DLG2: variants seen among roughly 807,000 people sequenced by gnomAD.
The protein encoded by DLG2 is disks large homolog 2.
In DLG2, 45 loss-of-function variants were observed where a neutral mutation model predicts 132.5. The ratio of observed to expected loss-of-function variants is 0.34; its 90% CI spans 0.27 to 0.44. DLG2 has a LOEUF of 0.44. Among genes scored for constraint, DLG2 ranks in the 20% least tolerant of loss-of-function variants. The probability of loss-of-function intolerance (pLI) is 1.00; values close to 1 mark genes in which losing one functional copy is unlikely to be tolerated. For missense variants in DLG2, 1,045 were observed against 1,196.9 expected, an observed-to-expected ratio of 0.87 and a Z score of 1.87; for synonymous variants, 424 against 419.6, an observed-to-expected ratio of 1.01 and a Z score of -0.13.
At chr11:83,720,294 G>GAAAAAAAAAGAAAAAAAA (rs2088059834) in intron 18 of DLG2, among the ~76,000 whole-genome samples, 1 of 27,288 alleles carries the variant, frequency 3.7e-5, no homozygotes, top group Non-Finnish European at 6.3e-5. Context: ...CTCCATCTCA[G>GAAAAAAAAAGAAAAAAAA]AAAAAAAAAA....
chr11:84,378,117 G>A (rs1377055524), intron 7 of DLG2, among the ~76,000 whole-genome samples: 1 of 152,176 alleles, frequency 6.6e-6, no homozygotes, highest in Non-Finnish European at 1.5e-5. Context: ...CACTGACTGT[G>A]GCTGTATTTG....
intron 3 of DLG2, among the ~76,000 whole-genome samples, chr11:85,344,513 C>A (rs1348410042): frequency 6.6e-6 from 1 of 152,110 alleles, no homozygotes; most frequent in Non-Finnish European, 1.5e-5. Context: ...GATATAAATT[C>A]TATTCTCTTG....
At chr11:84,141,297 A>G (rs1247246443) in intron 9 of DLG2, among the ~76,000 whole-genome samples, 1 of 151,614 alleles carries the variant, frequency 6.6e-6, no homozygotes, top group Admixed American at 6.6e-5. Context: ...ATATATGCAT[A>G]TATATAATAT....
chr11:84,424,246 A>G (rs1390508865), intron 7 of DLG2, among the ~76,000 whole-genome samples: 1 of 152,108 alleles, frequency 6.6e-6, no homozygotes, highest in East Asian at 1.9e-4. Flanking sequence ...CAAGGTTGCT[A>G]TATTAGGGCA....
At chr11:84,662,030 A>G (rs985064145) in intron 6 of DLG2, among the ~76,000 whole-genome samples, 2 of 152,016 alleles carry the variant, frequency 1.3e-5, no homozygotes, top group Non-Finnish European at 2.9e-5. Flanking sequence ...TAGTTTAGAA[A>G]GGGTCAGCTT....
At chr11:84,798,764 C>A (rs184731459) in intron 6 of DLG2, among the ~76,000 whole-genome samples, 1 of 152,306 alleles carries the variant, frequency 6.6e-6, no homozygotes, top group East Asian at 1.9e-4. Flanking sequence ...ATTCAGGGCC[C>A]AAGGGCACTT....
chr11:83,603,325 C>T (rs1234252347), intron 19 of DLG2, among the ~76,000 whole-genome samples: 1 of 152,086 alleles, frequency 6.6e-6, no homozygotes, highest in African/African-American at 2.4e-5. Context: ...CTCTAACTAT[C>T]TTTCTTTTTT....
chr11:85,275,241 T>C (rs990477394), intron 4 of DLG2, among the ~76,000 whole-genome samples: 3 of 152,178 alleles, frequency 2.0e-5, no homozygotes, highest in African/African-American at 7.2e-5. Flanking sequence ...TCACTTACTC[T>C]TGTAGACTCT....
intron 6 of DLG2, among the ~76,000 whole-genome samples, chr11:85,024,078 A>G (rs550884772): frequency 6.6e-6 from 1 of 152,260 alleles, no homozygotes; most frequent in African/African-American, 2.4e-5. Flanking sequence ...GGATCTTACC[A>G]TGTCTTCGTT....
At chr11:84,498,214 G>A (rs375992300) in intron 7 of DLG2, among the ~76,000 whole-genome samples, 1 of 152,074 alleles carries the variant, frequency 6.6e-6, no homozygotes. Flanking sequence ...CCTAGGTTTG[G>A]GCTAAATTCT....
intron 6 of DLG2, among the ~76,000 whole-genome samples, chr11:84,853,285 G>A (rs780731448): frequency 1.3e-5 from 2 of 151,950 alleles, no homozygotes; most frequent in Non-Finnish European, 2.9e-5. Context: ...ACGTGACCCA[G>A]TGAACATCAG....
chr11:84,467,152 C>G (rs534582755), intron 7 of DLG2, among the ~76,000 whole-genome samples: 7 of 151,316 alleles, frequency 4.6e-5, no homozygotes, highest in African/African-American at 1.7e-4. Flanking sequence ...GACTCTGTAT[C>G]TTGGGCAGCA....
chr11:84,735,340 T>C (rs2063692693), intron 6 of DLG2, among the ~76,000 whole-genome samples: 1 of 152,190 alleles, frequency 6.6e-6, no homozygotes, highest in Non-Finnish European at 1.5e-5. Flanking sequence ...ATTCAGAGAT[T>C]CAATTTCTTC....
intron 18 of DLG2, among the ~76,000 whole-genome samples, chr11:83,723,967 A>G (rs1033800596): frequency 6.6e-6 from 1 of 152,228 alleles, no homozygotes; most frequent in African/African-American, 2.4e-5. Flanking sequence ...TAACCATGAG[A>G]GAGCTGGGAT....
rs140109686 is a variant in DLG2 at position 84,227,806 on chromosome 11, C to T, written c.573+23432G>A. ...GTACACGCCTGTACACCCAGCTGCT[C>T]AGGAGGCTGAGGCAGGAGAATCACT... is the stretch of plus-strand genomic sequence containing the variant. On this transcript the variant is annotated intron_variant, in intron 8 of 27. Coordinates refer to ENST00000376104, the MANE Select transcript of DLG2 (RefSeq NM_001142699.3). 9.3e-3 allele frequency among the ~76,000 whole-genome samples: 1,400 copies of T among 151,118 alleles called. 13 individuals carry two copies. Among genetic ancestry groups the T allele is most frequent in the African/African-American group, 0.032 (1,306 of 41,136 alleles).
At chr11:85,125,211 G>T (rs2074942597) in intron 5 of DLG2, among the ~76,000 whole-genome samples, 1 of 152,128 alleles carries the variant, frequency 6.6e-6, no homozygotes, top group African/African-American at 2.4e-5. Flanking sequence ...ACATTTGTCT[G>T]AGAATATAAG....
chr11:84,836,251 C>T (rs2079756228), intron 6 of DLG2, among the ~76,000 whole-genome samples: 1 of 151,762 alleles, frequency 6.6e-6, no homozygotes, highest in South Asian at 2.1e-4. Context: ...AACTTAAATA[C>T]TGTATTTTTG....
At chr11:84,002,792 T>G (rs2094416229) in intron 11 of DLG2, among the ~76,000 whole-genome samples, 1 of 152,180 alleles carries the variant, frequency 6.6e-6, no homozygotes, top group Non-Finnish European at 1.5e-5. Context: ...TCTTGGTGAT[T>G]AACGTTGGTT....
At chr11:84,929,123 C>T (rs1307766195) in intron 6 of DLG2, among the ~76,000 whole-genome samples, 1 of 149,522 alleles carries the variant, frequency 6.7e-6, no homozygotes, top group East Asian at 2.0e-4. Context: ...CCTAAAGATA[C>T]TGCCACCATC....
Sources: gnomAD v4.1 joint callset for allele counts (sites outside exome capture counted in the v4.1 genomes callset) on GRCh38, gnomAD v4.1.1 for gene constraint, MANE v1.5 for transcripts, NCBI Gene and HGNC (gene_info 2026-07-23, HGNC 2026-07-21) for gene names.